The following MYO1B variants were observed in gnomAD, a reference collection of about 807,000 sequenced individuals.
MYO1B encodes myosin IB.
MYO1B carries 72 observed loss-of-function variants against 159.7 expected under a neutral mutation model. The observed-to-expected ratio is 0.45, with a 90% CI of 0.37 to 0.55. The LOEUF (loss-of-function observed/expected upper bound fraction) is 0.55. MYO1B is among the 20% of genes least tolerant of loss of function. The pLI, the probability that MYO1B is intolerant of heterozygous loss-of-function variation, is 0.00. For synonymous variants in MYO1B, 468 were observed against 473.8 expected (o/e 0.99, Z 0.16); for missense variants, 1,062 against 1,364.8 (o/e 0.78, Z 3.50).
intron 4 of MYO1B, among the ~76,000 whole-genome samples, chr2:191,335,241 C>A (rs559871194): frequency 6.6e-6 from 1 of 152,282 alleles, no homozygotes; most frequent in East Asian, 1.9e-4. Flanking sequence ...ACTTATGGAA[C>A]CCAACAGCTT....
chr2:191,399,029 C>T (rs1359443902), intron 21 of MYO1B, among the ~76,000 whole-genome samples: 26 of 152,160 alleles, frequency 1.7e-4, no homozygotes, highest in Admixed American at 3.3e-4. Context: ...CTCGGGAGGC[C>T]GAGGCTGGCG....
intron 5 of MYO1B, among the ~76,000 whole-genome samples, chr2:191,344,124 A>C (rs776645039): frequency 6.6e-6 from 1 of 152,162 alleles, no homozygotes; most frequent in Non-Finnish European, 1.5e-5. Context: ...TTATGCATCA[A>C]CATCTCTAGT....
At chr2:191,364,371 C>G (rs1264720105) in intron 11 of MYO1B, 95 bp downstream of exon 11, 1 of 966,526 alleles carries the variant, frequency 1.0e-6, no homozygotes, top group Non-Finnish European at 1.6e-6. Context: ...CAGGCTGTTA[C>G]CTGAATCGTA....
chr2:191,414,281 A>G (rs1697428147), intron 28 of MYO1B, 101 bp downstream of exon 28: 2 of 1,421,364 alleles, frequency 1.4e-6, no homozygotes, highest in Non-Finnish European at 9.5e-7. Context: ...TTCTCAGTAG[A>G]GTTAACTATG....
chr2:191,337,968 C>T (rs1473796716), intron 4 of MYO1B, among the ~76,000 whole-genome samples: 1 of 152,090 alleles, frequency 6.6e-6, no homozygotes, highest in African/African-American at 2.4e-5. Context: ...GGAAATGAAG[C>T]ACAAAGTCTC....
chr2:191,335,626 A>G (rs1443659659), intron 4 of MYO1B, among the ~76,000 whole-genome samples: 1 of 152,210 alleles, frequency 6.6e-6, no homozygotes, highest in East Asian at 1.9e-4. Context: ...ATTTTGATTT[A>G]GTAAATAAAT....
chr2:191,306,207 G>A (rs1328718405), intron 3 of MYO1B, among the ~76,000 whole-genome samples: 1 of 152,160 alleles, frequency 6.6e-6, no homozygotes, highest in Non-Finnish European at 1.5e-5. Context: ...GTGCTTTATT[G>A]AGATGTTATA....
At chr2:191,276,801 C>G in intron 1 of MYO1B, 86 bp from the exon 2 acceptor site, 16 of 1,427,686 alleles carry the variant, frequency 1.1e-5, no homozygotes, top group Non-Finnish European at 1.5e-5. Flanking sequence ...TTGGAGCTAC[C>G]AGTGTTGGAT....
chr2:191,378,678 T>C (rs576591319), intron 13 of MYO1B, among the ~76,000 whole-genome samples: 8 of 152,282 alleles, frequency 5.3e-5, no homozygotes, highest in African/African-American at 1.7e-4. Flanking sequence ...TGTCTTCTTA[T>C]ATTGATAAGA....
chr2:191,423,235 A>T (rs1022009339), intron 30 of MYO1B, among the ~76,000 whole-genome samples: 2 of 152,252 alleles, frequency 1.3e-5, no homozygotes, highest in African/African-American at 4.8e-5. Flanking sequence ...GCTGTATATT[A>T]TAGTATAGCC....
At chr2:191,267,154 A>G (rs532978614) in intron 1 of MYO1B, among the ~76,000 whole-genome samples, 2 of 152,316 alleles carry the variant, frequency 1.3e-5, no homozygotes, top group Admixed American at 6.5e-5. Flanking sequence ...TGTTGAATTA[A>G]TAGCCCCTCC....
intron 18 of MYO1B, among the ~76,000 whole-genome samples, chr2:191,391,714 CAG>C (rs1695763533): frequency 6.6e-6 from 1 of 152,176 alleles, no homozygotes; most frequent in Non-Finnish European, 1.5e-5. Context: ...CTTTTATTCT[CAG>C]GGGCAGAAAC....
chr2:191,388,805 ATATG>A, intron 17 of MYO1B, among the ~76,000 whole-genome samples: 1 of 152,092 alleles, frequency 6.6e-6, no homozygotes, highest in African/African-American at 2.4e-5. Context: ...TAACCATTAT[ATATG>A]CTTTAGTAAC....
At chr2:191,312,311 CAG>C (rs1335678992) in intron 3 of MYO1B, among the ~76,000 whole-genome samples, 1 of 152,154 alleles carries the variant, frequency 6.6e-6, no homozygotes, top group African/African-American at 2.4e-5. Context: ...TCCTCTTTCA[CAG>C]ACACTCTGGT....
In MYO1B at chr2:191,346,358, A is replaced by G. The variant is rs184976896; in HGVS notation, c.498+76A>G. On this transcript the variant is annotated intron_variant, in intron 6 of 30. Transcript: ENST00000392318. ...TGTTTAAACAACCAGTAGATGTTTA[A>G]TATTTCTTAATACACACATTTTTAA... The G allele has an allele frequency of 1.9e-5, 18 of 925,764 alleles. No homozygotes were observed. In the East Asian group the frequency reaches 4.3e-4, roughly 22 times the overall value. 57.3% of individuals were successfully genotyped at this position (925,764 alleles called of 1,614,324 possible). A position where few individuals can be genotyped will look rare whatever the true frequency, so the allele number is the denominator to read the frequency against.
chr2:191,260,347 G>T (rs577644086), intron 1 of MYO1B, among the ~76,000 whole-genome samples: 1 of 144,476 alleles, frequency 6.9e-6, no homozygotes, highest in East Asian at 2.1e-4. Flanking sequence ...CTGGGGTCAG[G>T]ATTGACTTGT....
chr2:191,411,229 A>G (rs1342013329), intron 27 of MYO1B, 57 bp downstream of exon 27: 5 of 1,130,544 alleles, frequency 4.4e-6, no homozygotes, highest in Non-Finnish European at 6.4e-6. Flanking sequence ...TCTCAAGTAT[A>G]TTTGTACGCC....
chr2:191,352,149 A>C (rs1692966162), intron 7 of MYO1B, among the ~76,000 whole-genome samples: 1 of 152,214 alleles, frequency 6.6e-6, no homozygotes, highest in Non-Finnish European at 1.5e-5. Flanking sequence ...ACCCCTGCCA[A>C]ACTTGTTAGG....
intron 4 of MYO1B, among the ~76,000 whole-genome samples, chr2:191,336,218 T>C (rs1228722618): frequency 6.6e-6 from 1 of 152,238 alleles, no homozygotes; most frequent in Non-Finnish European, 1.5e-5. Flanking sequence ...TCTTCAGCCA[T>C]CTGCTAGAAG....
Sources: allele counts gnomAD v4.1 joint callset (sites outside exome capture counted in the v4.1 genomes callset), GRCh38; gene constraint gnomAD v4.1.1; transcripts MANE v1.5; gene names NCBI Gene and HGNC (gene_info 2026-07-23, HGNC 2026-07-21).